Variants in BABAM2 observed in about 807,000 individuals in gnomAD.
The protein encoded by BABAM2 is BRISC and BRCA1 A complex member 2.
In BABAM2, 31 loss-of-function variants were observed where a neutral mutation model predicts 54.7. The ratio of observed to expected loss-of-function variants is 0.57; its 90% confidence interval spans 0.43 to 0.77. The LOEUF (loss-of-function observed/expected upper bound fraction) is 0.77. Ranked by LOEUF, BABAM2 falls within the 30% of genes least tolerant of loss-of-function variation. The pLI is 0.00. For missense variants in BABAM2, 364 were observed against 455.8 expected (o/e 0.80, Z 1.83); for synonymous variants, 167 against 162.9 (o/e 1.03, Z -0.19).
chr2:27,983,410 A>G (rs1302083525), intron 3 of BABAM2, among the ~76,000 whole-genome samples: 2 of 152,080 alleles, frequency 1.3e-5, no homozygotes, highest in Non-Finnish European at 2.9e-5. Flanking sequence ...ACGCCTGCAA[A>G]TTATTTTTAA....
chr2:28,239,905 A>C (rs374004039), intron 8 of BABAM2, among the ~76,000 whole-genome samples: 2 of 152,158 alleles, frequency 1.3e-5, no homozygotes, highest in South Asian at 4.1e-4. Context: ...CTTCCATTGG[A>C]GGGGTCTGGC....
intron 3 of BABAM2, among the ~76,000 whole-genome samples, chr2:27,982,718 TA>T (rs1413421075): frequency 6.6e-6 from 1 of 152,070 alleles, no homozygotes; most frequent in Non-Finnish European, 1.5e-5. Context: ...GTGTTTCGTA[TA>T]AGTGGAGTCA....
upstream of BABAM2, chr2:27,890,359 T>G: frequency 6.2e-7 from 1 of 1,611,814 alleles, no homozygotes; most frequent in Non-Finnish European, 8.5e-7. The surrounding 1 kb of genome is among the most constrained non-coding windows in gnomAD (Gnocchi z 4.8). Flanking sequence ...TCAAAGGTGC[T>G]GCTGTCCAAC....
intron 3 of BABAM2, among the ~76,000 whole-genome samples, chr2:27,973,511 C>T (rs774017341): frequency 2.0e-5 from 3 of 151,866 alleles, no homozygotes; most frequent in African/African-American, 4.8e-5. Flanking sequence ...TTGCAGTAGC[C>T]TCTTAGACTC....
chr2:27,890,695 G>C (rs1350194199), upstream of BABAM2: 1 of 173,878 alleles, frequency 5.8e-6, no homozygotes, highest in Non-Finnish European at 1.2e-5. The surrounding 1 kb of genome is among the most constrained non-coding windows in gnomAD (Gnocchi z 4.8). Context: ...GCCCAGCTTC[G>C]GGGCCGCAGA....
At chr2:28,009,934 T>C (rs1674268761) in intron 4 of BABAM2, among the ~76,000 whole-genome samples, 1 of 152,126 alleles carries the variant, frequency 6.6e-6, no homozygotes, top group African/African-American at 2.4e-5. Flanking sequence ...ACATACTGAA[T>C]ATGTTCCAGT....
At chr2:28,280,544 C>T (rs547526107) in intron 10 of BABAM2, among the ~76,000 whole-genome samples, 1 of 152,252 alleles carries the variant, frequency 6.6e-6, no homozygotes, top group African/African-American at 2.4e-5. Context: ...AAACCAAATA[C>T]ATACACACAT....
At chr2:27,890,599 G>A (rs1664731402), upstream of BABAM2, 1 of 459,856 alleles carries the variant, frequency 2.2e-6, no homozygotes, top group Non-Finnish European at 3.9e-6. This position sits in a 1 kb window ranked among gnomAD's most constrained non-coding sequence, Gnocchi z 4.8. Flanking sequence ...TCACTCACGG[G>A]GCAGGCGCTG....
At chr2:28,066,010 T>C (rs917709763) in intron 6 of BABAM2, among the ~76,000 whole-genome samples, 7 of 147,356 alleles carry the variant, frequency 4.8e-5, no homozygotes, top group Non-Finnish European at 7.5e-5. Context: ...ATTACAAAAA[T>C]TAGCTGGGCG....
intron 10 of BABAM2, 138 bp from the exon 11 acceptor site, chr2:28,298,200 C>A (rs111574421): frequency 1.1e-6 from 1 of 899,710 alleles, no homozygotes. Flanking sequence ...CTCTATACAC[C>A]ACACCTTTCA....
chr2:28,294,604 AT>A (rs1558507340), intron 10 of BABAM2, among the ~76,000 whole-genome samples: 1 of 152,098 alleles, frequency 6.6e-6, no homozygotes, highest in African/African-American at 2.4e-5. Flanking sequence ...GCAAGTTTTA[AT>A]TTTTTTAATC....
intron 11 of BABAM2, among the ~76,000 whole-genome samples, chr2:28,335,985 G>T (rs1010497764): frequency 1.3e-5 from 2 of 152,196 alleles, no homozygotes; most frequent in East Asian, 1.9e-4. Context: ...CAAAAAATGT[G>T]ATAGAGGAAC....
At chr2:28,188,512 T>A (rs1355661169) in intron 7 of BABAM2, among the ~76,000 whole-genome samples, 1 of 152,234 alleles carries the variant, frequency 6.6e-6, no homozygotes, top group African/African-American at 2.4e-5. Flanking sequence ...AAATTTGGCC[T>A]ATGTCTTGTA....
At chr2:28,066,349 G>T (rs186015681) in intron 6 of BABAM2, among the ~76,000 whole-genome samples, 2 of 151,748 alleles carry the variant, frequency 1.3e-5, no homozygotes, top group African/African-American at 4.8e-5. Context: ...AGCTTAAAAG[G>T]CTTTTTATTC....
chr2:28,172,372 G>A (rs924414317), intron 7 of BABAM2, among the ~76,000 whole-genome samples: 9 of 152,156 alleles, frequency 5.9e-5, no homozygotes, highest in African/African-American at 2.2e-4. Context: ...CAGGGAAGAT[G>A]CATGTGTGTT....
chr2:27,937,545 G>T (rs888310558), intron 3 of BABAM2, among the ~76,000 whole-genome samples: 1 of 152,180 alleles, frequency 6.6e-6, no homozygotes, highest in South Asian at 2.1e-4. Context: ...TTGTGGTTTT[G>T]ATTTGCATTT....
intron 2 of BABAM2, among the ~76,000 whole-genome samples, chr2:27,918,350 C>T (rs1667125620): frequency 6.6e-6 from 1 of 151,996 alleles, no homozygotes; most frequent in South Asian, 2.1e-4. Flanking sequence ...CCTTTTTTGA[C>T]CAGCTTATTT....
At chr2:28,134,305 T>C (rs556891994) in intron 7 of BABAM2, 18 of 152,166 alleles carry the variant, frequency 1.2e-4, no homozygotes, top group African/African-American at 2.6e-4. Context: ...TGCTTTTTTT[T>C]CCCCTGGCAG....
At chr2:27,987,915 A>C in intron 3 of BABAM2, 78 bp from the exon 4 acceptor site, 6 of 1,258,514 alleles carry the variant, frequency 4.8e-6, no homozygotes, top group Non-Finnish European at 6.8e-6. Flanking sequence ...TTCTTTTAGA[A>C]GTTTTTCTGA....
Sources: gnomAD v4.1 joint callset for allele counts (sites outside exome capture counted in the v4.1 genomes callset) on GRCh38, gnomAD v4.1.1 for gene constraint, Gnocchi (gnomAD v3.1) non-coding constraint, MANE v1.5 for transcripts, NCBI Gene and HGNC (gene_info 2026-07-23, HGNC 2026-07-21) for gene names.